The following AKR1B15 variants were observed in gnomAD, a reference collection of about 807,000 sequenced individuals.
The protein encoded by AKR1B15 is aldo-keto reductase family 1 member B15.
AKR1B15 carries 49 observed loss-of-function variants against 38.5 expected under a neutral mutation model. That is an observed-to-expected ratio of 1.27 (90% CI 1.01 to 1.62). The LOEUF is 1.62. Ranked by LOEUF, AKR1B15 falls within the 40% of genes most tolerant of loss-of-function variation. The pLI, the probability that AKR1B15 is intolerant of heterozygous loss-of-function variation, is 0.00. For synonymous variants in AKR1B15, 137 were observed against 135.5 expected, an observed-to-expected ratio of 1.01 and a Z score of -0.08; for missense variants, 411 against 381.6, an observed-to-expected ratio of 1.08 and a Z score of -0.64.
At chr7:134,555,618 T>C (rs1468627351) in intron 1 of AKR1B15, among the ~76,000 whole-genome samples, 2 of 152,142 alleles carry the variant, frequency 1.3e-5, no homozygotes, top group Non-Finnish European at 2.9e-5. Flanking sequence ...CAAACACCAC[T>C]TGGAAGGTGG....
intron 5 of AKR1B15, among the ~76,000 whole-genome samples, chr7:134,570,733 G>T (rs1215506047): frequency 6.6e-6 from 1 of 152,178 alleles, no homozygotes; most frequent in African/African-American, 2.4e-5. Context: ...CTTCATAATT[G>T]GGAATGGCAG....
At chr7:134,574,835 C>G (rs1258536690) in intron 6 of AKR1B15, among the ~76,000 whole-genome samples, 3 of 152,210 alleles carry the variant, frequency 2.0e-5, no homozygotes, top group Admixed American at 6.5e-5. Flanking sequence ...TAGCCCCACA[C>G]AACTCCGTGG....
At chr7:134,568,582 T>C (rs571741746) in intron 4 of AKR1B15, among the ~76,000 whole-genome samples, 35 of 152,264 alleles carry the variant, frequency 2.3e-4, no homozygotes, top group African/African-American at 7.9e-4. Context: ...CTGTTCCCCA[T>C]CAGAGGGATC....
rs1794296586 is a variant in AKR1B15, at chr7:134,558,941, A to G, written c.-23+2082A>G. Among the ~76,000 whole-genome samples the G allele has an allele frequency of 3.3e-5, 5 of 152,140 alleles. No homozygotes were observed. The South Asian group carries it at 1.0e-3, about 32-fold the overall frequency. Reference sequence around the variant, plus strand: ...GGAAGCTCGAACCAGCCTGGGAAGGACCCTACCTAGTGCTCCTATGTACTG... The same window carrying G: ...GGAAGCTCGAACCAGCCTGGGAAGGGCCCTACCTAGTGCTCCTATGTACTG... On this transcript the variant is annotated intron_variant, in intron 2 of 11. Transcript: ENST00000457545.
In AKR1B15 at chr7:134,569,425, T is replaced by C. The variant is rs1428600711; in HGVS notation, c.331T>C (p.Phe111Leu). 1 of 1,613,966 alleles carries C rather than the reference T, an allele frequency of 6.2e-7. No individual in the cohort carries two copies. Among genetic ancestry groups the C allele is most frequent in the Admixed American group, 1.7e-5 (1 of 60,002 alleles). Reference protein sequence around the residue: ...LFIVSKVWPTFFERPLVRKAF... With the variant: ...LFIVSKVWPTLFERPLVRKAF... ...ACACTCTTTGCAGGTGTGGCCCACTTTCTTTGAGAGACCCCTTGTGAGGAA... is the reference window on the plus strand; with the variant it reads ...ACACTCTTTGCAGGTGTGGCCCACTCTCTTTGAGAGACCCCTTGTGAGGAA... Residue 111 changes from phenylalanine (F) to leucine (L), a missense_variant, in exon 5 of 12, where the codon TTC becomes CTC. By Grantham distance (22) the Phe-to-Leu change is conservative. Around this residue, in one of 3 missense-constraint regions of AKR1B15, gnomAD observed 254 missense variants for 212.4 expected, o/e 1.20. Transcript: ENST00000457545.
intron 9 of AKR1B15, 58 bp from the exon 10 acceptor site, chr7:134,576,905 C>T: frequency 2.0e-6 from 3 of 1,463,792 alleles, no homozygotes; most frequent in Non-Finnish European, 2.9e-6. Context: ...TTCTTCCTTT[C>T]CATAAAAGGA....
chr7:134,579,159 T>C (rs1344349545), intron 11 of AKR1B15, among the ~76,000 whole-genome samples: 1 of 152,176 alleles, frequency 6.6e-6, no homozygotes, highest in Admixed American at 6.5e-5. Flanking sequence ...CATTTAATAC[T>C]CATAACAATC....
chr7:134,556,580 T>C (rs1794204811), intron 1 of AKR1B15, among the ~76,000 whole-genome samples, 156 bp from the exon 2 acceptor site: 3 of 152,108 alleles, frequency 2.0e-5, no homozygotes, highest in Non-Finnish European at 4.4e-5. Flanking sequence ...CACCCAAAAA[T>C]ACCTGGTTGG....
intron 3 of AKR1B15, chr7:134,565,266 A>G (rs974270302): frequency 1.6e-5 from 11 of 698,336 alleles, no homozygotes; most frequent in African/African-American, 5.4e-5. Context: ...GAAGTCAGCG[A>G]CACCACAAAC....
chr7:134,550,565 A>G (rs1359573826), intron 1 of AKR1B15, among the ~76,000 whole-genome samples: 1 of 152,200 alleles, frequency 6.6e-6, no homozygotes, highest in Admixed American at 6.5e-5. Context: ...TTATGTGGCA[A>G]GAAATATTGG....
At chr7:134,554,772 C>A (rs1084613) in intron 1 of AKR1B15, among the ~76,000 whole-genome samples, 16,462 of 152,172 alleles carry the variant, frequency 0.11, 1,189 homozygotes, top group East Asian at 0.31. Flanking sequence ...ACTGCTACCA[C>A]GGTAGTTAAG....
Position 134,579,826 on chromosome 7 carries a change from A to C in AKR1B15, c.*277A>C, listed in dbSNP as rs1165845417. 1 of 359,470 alleles carries C rather than the reference A, an allele frequency of 2.8e-6. No individual in the cohort carries two copies. Among genetic ancestry groups the C allele is most frequent in the African/African-American group, 2.1e-5 (1 of 47,558 alleles). 22.3% of individuals were successfully genotyped at this position (359,470 alleles called of 1,614,324 possible). On this transcript the variant is annotated 3_prime_UTR_variant, in exon 12 of 12. Coordinates refer to ENST00000457545, the MANE Select transcript of AKR1B15 (RefSeq NM_001080538.3). ...CTGTTAAGCACCAGAAACTCTGCCAACACTGAGGATGTAAAGATAAATAAT... is the reference window on the plus strand; with the variant it reads ...CTGTTAAGCACCAGAAACTCTGCCACCACTGAGGATGTAAAGATAAATAAT...
chr7:134,563,195 A>G lies in AKR1B15; in HGVS notation c.-22-1403A>G, dbSNP rs58228387. On this transcript the variant is annotated intron_variant, in intron 2 of 11. Coordinates refer to ENST00000457545, the MANE Select transcript of AKR1B15 (RefSeq NM_001080538.3). The stretch of plus-strand genomic sequence containing the variant: ...ATCCTCAATCTCACAAAAGCCTGGA[A>G]TGGATTTTCTGTTTGGACAGGGCAG... Among the ~76,000 whole-genome samples, 1,479 of 152,270 alleles carry G rather than the reference A, an allele frequency of 9.7e-3. 17 individuals are homozygous for G. Among genetic ancestry groups the G allele is most frequent in the African/African-American group, 0.034 (1,408 of 41,552 alleles).
chr7:134,570,331 C>T (rs1318498562), intron 5 of AKR1B15: 1 of 152,136 alleles, frequency 6.6e-6, no homozygotes, highest in Non-Finnish European at 1.5e-5. Context: ...TTTAATTTTG[C>T]CCCGGTCCTG....
chr7:134,566,869 T>C (rs1794548123), intron 3 of AKR1B15, among the ~76,000 whole-genome samples: 1 of 152,108 alleles, frequency 6.6e-6, no homozygotes, highest in South Asian at 2.1e-4. Context: ...AATAGCAAGA[T>C]TTGCCCCAAA....
At chr7:134,577,901 T>G in intron 11 of AKR1B15, 115 bp downstream of exon 11, 6 of 1,235,300 alleles carry the variant, frequency 4.9e-6, no homozygotes. Flanking sequence ...AATACTATTT[T>G]GGGGCAGTTT....
intron 4 of AKR1B15, among the ~76,000 whole-genome samples, chr7:134,568,728 GC>G (rs1166551081): frequency 1.3e-5 from 2 of 152,124 alleles, no homozygotes; most frequent in African/African-American, 4.8e-5. Context: ...AACAGTAGGA[GC>G]ACTTTTCTAT....
intron 3 of AKR1B15, among the ~76,000 whole-genome samples, chr7:134,566,757 G>A (rs1794544989): frequency 6.6e-6 from 1 of 152,068 alleles, no homozygotes; most frequent in Non-Finnish European, 1.5e-5. Flanking sequence ...TGGAGGGTAG[G>A]ACCCTCTGCT....
intron 1 of AKR1B15, among the ~76,000 whole-genome samples, chr7:134,552,984 C>T (rs890005943): frequency 2.0e-5 from 3 of 152,132 alleles, no homozygotes; most frequent in Non-Finnish European, 4.4e-5. Context: ...TGACAGCTGC[C>T]TGCAACATAC....
Sources: allele counts gnomAD v4.1 joint callset (sites outside exome capture counted in the v4.1 genomes callset), GRCh38; gene constraint gnomAD v4.1.1; regional missense constraint gnomAD v4.1.1; transcripts MANE v1.5; gene names NCBI Gene and HGNC (gene_info 2026-07-23, HGNC 2026-07-21).